The following SMARCA4 variants were observed in gnomAD, a reference collection of about 807,000 sequenced individuals.
SMARCA4 encodes SWI/SNF related BAF chromatin remodeling complex subunit ATPase 4, also known as SWI/SNF-related matrix-associated actin-dependent regulator of chromatin subfamily A member 4.
In SMARCA4, 31 loss-of-function variants were observed where a neutral mutation model predicts 193.9. The observed-to-expected ratio is 0.16, with a 90% CI of 0.12 to 0.22. The LOEUF (loss-of-function observed/expected upper bound fraction) is 0.22, where lower values mean the gene tolerates loss of function less well. Ranked by LOEUF, SMARCA4 falls within the 10% of genes least tolerant of loss-of-function variation. The pLI is 1.00. For synonymous variants in SMARCA4, 942 were observed against 933.1 expected (o/e 1.01, Z -0.17); for missense variants, 1,148 against 2,296.0 (o/e 0.50, Z 10.22).
chr19:11,045,226 G>A (rs1017230642), intron 30 of SMARCA4, among the ~76,000 whole-genome samples: 6 of 152,206 alleles, frequency 3.9e-5, no homozygotes, highest in South Asian at 2.1e-4. Flanking sequence ...AGGCTGAGGC[G>A]GGAGAATGGC....
In SMARCA4 at chr19:10,987,730, G is replaced by C. The variant is rs944736912; in HGVS notation, c.924G>C (p.Thr308=). 6.2e-7 allele frequency: 1 copy of C among 1,608,284 alleles called. No homozygotes were observed. Residue 308 remains threonine (T), a synonymous_variant, in exon 6 of 35, where the codon ACG becomes ACC. Transcript: ENST00000344626. The surrounding 1 kb of genome is among the most constrained non-coding windows in gnomAD (Gnocchi z 5.3). Reference sequence around the variant, plus strand: ...AGAAGCTGATTCCCCCGCAGCCAACGGGCCGCCCTTCCCCCGCGCCCCCTG... The same window carrying C: ...AGAAGCTGATTCCCCCGCAGCCAACCGGCCGCCCTTCCCCCGCGCCCCCTG... ...TPQKLIPPQP[T]GRPSPAPPAV...
intron 30 of SMARCA4, among the ~76,000 whole-genome samples, chr19:11,050,071 C>T (rs1292703079): frequency 6.6e-6 from 1 of 152,216 alleles, no homozygotes; most frequent in African/African-American, 2.4e-5. Context: ...TGCACTCCAG[C>T]CTGGGTGACA....
In SMARCA4 at chr19:10,986,643, G is replaced by T; in HGVS notation, c.760+50G>T. The T allele has an allele frequency of 6.5e-7, 1 of 1,534,526 alleles. No individual in the cohort carries two copies. Among genetic ancestry groups the T allele is most frequent in the Non-Finnish European group, 8.7e-7 (1 of 1,146,576 alleles). ...AGGTGTCTCAGAGCGAATGGCTGGG[G>T]CGTGGGTGGCGGGGTGGACAGACCG... On this transcript the variant is annotated intron_variant, in intron 4 of 34. Transcript: ENST00000344626. The surrounding 1 kb of genome is among the most constrained non-coding windows in gnomAD (Gnocchi z 6.7).
chr19:11,060,099 G>A lies in SMARCA4; in HGVS notation c.4823G>A (p.Arg1608Gln), dbSNP rs375672575. ...KLGRKEKAQD[R>Q]LKGGRRRPSR... ...GGCCGGAAGGAGAAGGCACAGGACC[G>A]GCTGAAGGGCGGCCGGCGGCGGCCG... is the stretch of plus-strand genomic sequence containing the variant. Residue 1608 changes from arginine to glutamine, a missense_variant, in exon 34 of 35, where the codon CGG (arginine) becomes CAG (glutamine). Physicochemically the swap from Arg to Gln is conservative, Grantham distance 43 (BLOSUM62 1). Transcript: ENST00000344626. 2.8e-5 allele frequency: 44 copies of A among 1,552,298 alleles called. 1 individual carries two copies. The highest frequency in any genetic ancestry group is 3.9e-5 in the Admixed American group (2 of 51,054).
intron 30 of SMARCA4, among the ~76,000 whole-genome samples, chr19:11,054,930 C>A (rs576674917): frequency 6.6e-6 from 1 of 152,118 alleles, no homozygotes; most frequent in South Asian, 2.1e-4. Context: ...GCACTGACAT[C>A]AAAGGTGGTG....
chr19:11,051,491 C>CTTT (rs554212827), intron 30 of SMARCA4, among the ~76,000 whole-genome samples: 45 of 133,528 alleles, frequency 3.4e-4, no homozygotes, highest in African/African-American at 1.2e-3. Context: ...GACATATTTC[C>CTTT]TTTTTTTTTT....
chr19:11,060,391 G>C, intron 34 of SMARCA4: 1 of 661,646 alleles, frequency 1.5e-6, no homozygotes, highest in East Asian at 2.7e-5. Context: ...GTGTGACCCC[G>C]GAACCAGCTC....
rs372410282 is a variant in SMARCA4 at position 11,018,978 on chromosome 19, C to T, written c.2460C>T (p.Tyr820=). 1.2e-4 allele frequency: 189 copies of T among 1,613,984 alleles called. No homozygotes were observed. The highest frequency in any genetic ancestry group is 4.0e-4 in the Admixed American group (24 of 60,014). ...TCAGAACGCTGTCCAACTGGGCGTA[C>T]GAGTTTGACAAGTGGGCCCCCTCCG... is the stretch of plus-strand genomic sequence containing the variant. ...VPLSTLSNWA[Y]EFDKWAPSVV... Residue 820 remains tyrosine, a synonymous_variant, in exon 17 of 35, where the codon TAC becomes TAT. Transcript: ENST00000344626.
rs1266451660 is a variant in SMARCA4 at position 10,986,478 on chromosome 19, G to C, written c.645G>C (p.Gln215His). The part of the protein sequence containing the change: ...QGKRPMPGMQ[Q>H]QMPTLPPPSV... ...AGCGGCCGATGCCCGGGATGCAGCA[G>C]CAGATGCCAACGCTACCTCCACCCT... Residue 215 changes from glutamine to histidine, a missense_variant, in exon 4 of 35, where the codon CAG (glutamine) becomes CAC (histidine). Transcript: ENST00000344626. The surrounding 1 kb of genome is among the most constrained non-coding windows in gnomAD (Gnocchi z 6.7). 1 of 1,553,324 alleles carries C rather than the reference G, an allele frequency of 6.4e-7. No individual in the cohort carries two copies. The highest frequency in any genetic ancestry group is 1.2e-5 in the South Asian group (1 of 84,482).
intron 22 of SMARCA4, chr19:11,025,722 C>T (rs1431822684): frequency 5.4e-6 from 3 of 555,106 alleles, no homozygotes; most frequent in South Asian, 3.7e-5. Context: ...ATATAGGGCC[C>T]TGAAAGCTTG....
rs2145754411 is a variant in SMARCA4, at chr19:10,985,435, G to A, written c.355+30G>A. The A allele has an allele frequency of 1.2e-6, 2 of 1,612,114 alleles. No homozygotes were observed. The highest frequency in any genetic ancestry group is 1.7e-6 in the Non-Finnish European group (2 of 1,179,410). On this transcript the variant is annotated intron_variant, in intron 3 of 34. Coordinates refer to ENST00000344626, the MANE Select transcript of SMARCA4 (RefSeq NM_003072.5). The surrounding 1 kb of genome is among the most constrained non-coding windows in gnomAD (Gnocchi z 4.5). ...AGAACTGCGTTCCTTCCTGCCTTGTGTTTGTCATACTCCAGAGTCCTCAGA... is the reference window on the plus strand; with the variant it reads ...AGAACTGCGTTCCTTCCTGCCTTGTATTTGTCATACTCCAGAGTCCTCAGA...
At chr19:11,044,010 G>T (rs943890703) in intron 30 of SMARCA4, among the ~76,000 whole-genome samples, 1 of 152,044 alleles carries the variant, frequency 6.6e-6, no homozygotes, top group Non-Finnish European at 1.5e-5. Flanking sequence ...AAGGGAATTC[G>T]CAGAAATCTA....
chr19:10,978,075 T>C (rs1261766209), intron 1 of SMARCA4, among the ~76,000 whole-genome samples: 1 of 152,166 alleles, frequency 6.6e-6, no homozygotes, highest in Non-Finnish European at 1.5e-5. Flanking sequence ...TACCATCAAG[T>C]AGGCTGAGGC....
intron 11 of SMARCA4, among the ~76,000 whole-genome samples, chr19:10,998,910 T>C (rs977463578): frequency 6.6e-6 from 1 of 151,670 alleles, no homozygotes; most frequent in Non-Finnish European, 1.5e-5. Flanking sequence ...TTTTTTTTTT[T>C]TGTCTGTCAA....
chr19:11,059,923 C>T (rs1212372537), intron 33 of SMARCA4, 38 bp downstream of exon 33: 2 of 1,613,554 alleles, frequency 1.2e-6, no homozygotes, highest in South Asian at 2.2e-5. Context: ...GGGGTTCACG[C>T]TGGCCCGAGA....
chr19:10,967,133 G>C (rs1465151485), intron 1 of SMARCA4, among the ~76,000 whole-genome samples: 1 of 152,088 alleles, frequency 6.6e-6, no homozygotes, highest in African/African-American at 2.4e-5. Context: ...TTCAGGGTGT[G>C]GGATTGATGG....
rs1012406902 is a variant in SMARCA4 at position 11,041,713 on chromosome 19, C to T, written c.4424+153C>T. Among the ~76,000 whole-genome samples the T allele has an allele frequency of 8.5e-5, 13 of 152,184 alleles. No homozygotes were observed. Among genetic ancestry groups the T allele is most frequent in the African/African-American group, 3.1e-4 (13 of 41,448 alleles). ...TGAATCTCTGTGTCTTTGAGCCTGG[C>T]CCTGAGGAACATGCTTTCTGGAACA... On this transcript the variant is annotated intron_variant, in intron 30 of 34. Coordinates refer to ENST00000344626, the MANE Select transcript of SMARCA4 (RefSeq NM_003072.5). This position sits in a 1 kb window ranked among gnomAD's most constrained non-coding sequence, Gnocchi z 5.6.
intron 1 of SMARCA4, among the ~76,000 whole-genome samples, chr19:10,977,446 C>A (rs1021538946): frequency 6.6e-6 from 1 of 152,026 alleles, no homozygotes; most frequent in Non-Finnish European, 1.5e-5. Context: ...GCCCCAGCCT[C>A]CCGAGTAGCT....
intron 1 of SMARCA4, among the ~76,000 whole-genome samples, chr19:10,977,276 G>A (rs921821227): frequency 6.6e-6 from 1 of 152,084 alleles, no homozygotes; most frequent in East Asian, 1.9e-4. Flanking sequence ...TGTTACCTGC[G>A]GTTTGTGCTG....
Sources: allele counts gnomAD v4.1 joint callset (sites outside exome capture counted in the v4.1 genomes callset), GRCh38; gene constraint gnomAD v4.1.1; non-coding constraint Gnocchi (gnomAD v3.1); transcripts MANE v1.5; gene names NCBI Gene and HGNC (gene_info 2026-07-23, HGNC 2026-07-21).